ABCA12: variants seen among roughly 807,000 people sequenced by gnomAD.
The protein encoded by ABCA12 is ATP binding cassette subfamily A member 12, also known as glucosylceramide transporter ABCA12.
A neutral mutation model predicts 293.5 loss-of-function variants in ABCA12; 156 were observed. The observed-to-expected ratio is 0.53, with a 90% CI of 0.47 to 0.61. The LOEUF is 0.61. ABCA12 is among the 20% of genes least tolerant of loss of function. The pLI, the probability that ABCA12 is intolerant of heterozygous loss-of-function variation, is 0.00. For missense variants in ABCA12, 2,797 were observed against 3,090.2 expected (o/e 0.91, Z 2.25); for synonymous variants, 1,063 against 1,108.0 (o/e 0.96, Z 0.81).
intron 1 of ABCA12, among the ~76,000 whole-genome samples, chr2:215,113,347 C>T (rs541414155): frequency 2.0e-5 from 3 of 152,194 alleles, no homozygotes; most frequent in Non-Finnish European, 2.9e-5. Flanking sequence ...CTGAGGCACT[C>T]GGTTTGAACA....
chr2:215,133,032 G>A (rs1384515591), intron 1 of ABCA12, among the ~76,000 whole-genome samples: 1 of 151,680 alleles, frequency 6.6e-6, no homozygotes, highest in African/African-American at 2.4e-5. Context: ...TCTTCTTTAA[G>A]GAGGCTAAAA....
chr2:214,985,955 A>G (rs1050380800), intron 28 of ABCA12, among the ~76,000 whole-genome samples: 2 of 152,338 alleles, frequency 1.3e-5, no homozygotes, highest in African/African-American at 4.8e-5. Flanking sequence ...AGTGAGAAAG[A>G]ACAGCTTATG....
intron 1 of ABCA12, among the ~76,000 whole-genome samples, chr2:215,121,601 C>T (rs902976562): frequency 6.6e-6 from 1 of 152,056 alleles, no homozygotes; most frequent in African/African-American, 2.4e-5. Context: ...AAAAATGGCT[C>T]GGAGTTCTCA....
intron 2 of ABCA12, among the ~76,000 whole-genome samples, chr2:215,108,721 G>T (rs1178429776): frequency 1.3e-5 from 2 of 152,052 alleles, no homozygotes; most frequent in Non-Finnish European, 2.9e-5. Context: ...TAAAAAACAG[G>T]ATAAAAGCAT....
At position 215,011,526 on chromosome 2, in the gene ABCA12, G is replaced by A; in HGVS notation, c.2245C>T (p.Pro749Ser). 1 of 1,613,950 alleles carries A rather than the reference G, an allele frequency of 6.2e-7. No homozygotes were observed. Among genetic ancestry groups the A allele is most frequent in the South Asian group, 1.1e-5 (1 of 91,074 alleles). The change falls in exon 17 of 53, where the codon CCA (proline) becomes TCA (serine). Residue 749 changes from proline (P) to serine (S), a missense_variant. Coordinates refer to ENST00000272895, the MANE Select transcript of ABCA12 (RefSeq NM_173076.3). ...AAATCCTTGGTGTGGTTGCCTTTTG[G>A]CCTCTGGGAAGAGGGCAGCATGGCA... ...LTAMLPSSQR[P>S]KGNHTKDFLT...
intron 19 of ABCA12, among the ~76,000 whole-genome samples, chr2:215,006,918 C>T (rs1700267560): frequency 7.2e-6 from 1 of 139,108 alleles, no homozygotes; most frequent in Non-Finnish European, 1.5e-5. Context: ...TCTTGTTCTC[C>T]AGGCTGGAGT....
intron 39 of ABCA12, chr2:214,961,836 A>G (rs972124932): frequency 1.3e-5 from 2 of 152,246 alleles, no homozygotes; most frequent in Non-Finnish European, 2.9e-5. Flanking sequence ...TTGGGGAAAA[A>G]AATACTGTTT....
chr2:215,123,649 A>G (rs1010514073), intron 1 of ABCA12, among the ~76,000 whole-genome samples: 4 of 152,212 alleles, frequency 2.6e-5, no homozygotes, highest in African/African-American at 7.2e-5. Context: ...AGATATTTCC[A>G]TACTGTTTTC....
chr2:214,943,055 A>G, intron 49 of ABCA12, 38 bp from the exon 50 acceptor site: 5 of 1,561,508 alleles, frequency 3.2e-6, no homozygotes, highest in Non-Finnish European at 4.4e-6. Flanking sequence ...CATTCAGGAT[A>G]CAGAAAACTT....
At position 214,945,121 on chromosome 2, in the gene ABCA12, A is replaced by G. The variant is rs372303751; in HGVS notation, c.7240-17T>C. The G allele has an allele frequency of 3.1e-6, 5 of 1,596,440 alleles. No homozygotes were observed. The African/African-American group carries it at 4.0e-5, about 13-fold the overall frequency. ...CGGCTCATCCTTAATAGAAAGTTACAACAAAAATTTATCAAATTAATTAAT... is the reference window on the plus strand; with the variant it reads ...CGGCTCATCCTTAATAGAAAGTTACGACAAAAATTTATCAAATTAATTAAT... On this transcript the variant is annotated splice_polypyrimidine_tract_variant and intron_variant, in intron 48 of 52. Coordinates refer to ENST00000272895, the MANE Select transcript of ABCA12 (RefSeq NM_173076.3).
chr2:215,122,537 C>A (rs1702829539), intron 1 of ABCA12, among the ~76,000 whole-genome samples: 1 of 152,104 alleles, frequency 6.6e-6, no homozygotes, highest in African/African-American at 2.4e-5. Context: ...GTAATATGAG[C>A]AAGTTGGGGA....
chr2:215,078,707 T>C (rs1701880888), intron 2 of ABCA12, among the ~76,000 whole-genome samples: 1 of 152,184 alleles, frequency 6.6e-6, no homozygotes, highest in Non-Finnish European at 1.5e-5. Context: ...AAACTATAAC[T>C]GTTTCTACCC....
chr2:215,131,796 CTT>C (rs1327124138), intron 1 of ABCA12, among the ~76,000 whole-genome samples: 1 of 125,650 alleles, frequency 8.0e-6, no homozygotes, highest in Non-Finnish European at 1.7e-5. Flanking sequence ...TTATTTTGCT[CTT>C]GTTTTTCTAG....
intron 23 of ABCA12, among the ~76,000 whole-genome samples, chr2:214,996,857 C>A (rs1436441199): frequency 6.6e-6 from 1 of 152,142 alleles, no homozygotes; most frequent in Admixed American, 6.5e-5. Context: ...CCTCTAACCT[C>A]ATTATTTCAG....
At chr2:214,945,420 C>A (rs990568117) in intron 48 of ABCA12, among the ~76,000 whole-genome samples, 1 of 152,066 alleles carries the variant, frequency 6.6e-6, no homozygotes, top group Non-Finnish European at 1.5e-5. Flanking sequence ...TCTATCTTGC[C>A]ACATATATAA....
At chr2:215,048,535 T>C (rs140280962) in intron 6 of ABCA12, among the ~76,000 whole-genome samples, 5,296 of 130,142 alleles carry the variant, frequency 0.041, 290 homozygotes, top group African/African-American at 0.17. Context: ...TCTCTACTAA[T>C]AATACAAAAA....
intron 5 of ABCA12, 33 bp downstream of exon 5, chr2:215,052,454 C>A: frequency 6.4e-7 from 1 of 1,558,228 alleles, no homozygotes; most frequent in South Asian, 1.1e-5. Context: ...TATGTTGAAT[C>A]ACTCTACCCA....
At chr2:215,109,298 AAAG>A (rs1179812738) in intron 2 of ABCA12, among the ~76,000 whole-genome samples, 29 of 152,208 alleles carry the variant, frequency 1.9e-4, no homozygotes, top group African/African-American at 6.5e-4. Context: ...TCTCATGGAC[AAAG>A]AAGCGGTTTT....
chr2:215,011,907 T>C, intron 16 of ABCA12, 64 bp downstream of exon 16: 3 of 1,491,672 alleles, frequency 2.0e-6, no homozygotes, highest in Non-Finnish European at 2.8e-6. Flanking sequence ...GCTGAATGTA[T>C]TATAACTACT....
Sources: gnomAD v4.1 joint callset for allele counts (sites outside exome capture counted in the v4.1 genomes callset) on GRCh38, gnomAD v4.1.1 for gene constraint, MANE v1.5 for transcripts, NCBI Gene and HGNC (gene_info 2026-07-23, HGNC 2026-07-21) for gene names.